AATF: variants seen among roughly 807,000 people sequenced by gnomAD.
The protein encoded by AATF is apoptosis antagonizing transcription factor.
Under a neutral mutation model 63.7 loss-of-function variants are expected in AATF, and 48 were observed. The observed-to-expected ratio is 0.75, with a 90% CI of 0.60 to 0.96. The LOEUF (loss-of-function observed/expected upper bound fraction) is 0.96. AATF is among the 40% of genes least tolerant of loss of function. AATF has a pLI of 0.00. For synonymous variants in AATF, 258 were observed against 247.7 expected (o/e 1.04, Z -0.39); for missense variants, 639 against 685.7 (o/e 0.93, Z 0.76).
intron 5 of AATF, among the ~76,000 whole-genome samples, chr17:36,988,061 C>T (rs2071182534): frequency 6.6e-6 from 1 of 152,132 alleles, no homozygotes; most frequent in Non-Finnish European, 1.5e-5. Context: ...GCCCTGTAAT[C>T]CCAGCACTTT....
At chr17:37,040,845 A>G (rs1050561469) in intron 11 of AATF, among the ~76,000 whole-genome samples, 15 of 152,266 alleles carry the variant, frequency 9.9e-5, no homozygotes, top group African/African-American at 3.6e-4. Flanking sequence ...TGGATTCCCA[A>G]ACCTGGTTTT....
At chr17:37,049,931 G>C (rs2071732778) in intron 11 of AATF, among the ~76,000 whole-genome samples, 1 of 152,154 alleles carries the variant, frequency 6.6e-6, no homozygotes, top group Non-Finnish European at 1.5e-5. Context: ...TGCTCCACCT[G>C]CTTTGGGCTC....
At chr17:36,964,349 T>A (rs1397583848) in intron 4 of AATF, among the ~76,000 whole-genome samples, 1 of 151,828 alleles carries the variant, frequency 6.6e-6, no homozygotes, top group South Asian at 2.1e-4. Flanking sequence ...GTGCCTTAGA[T>A]AGCAATGTGG....
At chr17:36,974,526 T>C (rs559219581) in intron 4 of AATF, among the ~76,000 whole-genome samples, 44 of 152,322 alleles carry the variant, frequency 2.9e-4, no homozygotes, top group African/African-American at 1.0e-3. Flanking sequence ...TTTCTAAGAA[T>C]ATGCAAAATT....
rs550318125 is a variant in AATF, at chr17:36,997,354, C to T, written c.1398+6497C>T. Among the ~76,000 whole-genome samples the T allele has an allele frequency of 2.0e-5, 3 of 152,188 alleles. No individual in the cohort carries two copies. The South Asian group carries it at 6.2e-4, about 32-fold the overall frequency. Reference sequence around the variant, plus strand: ...ATACATCTGACAAAGGACTGATATCCAGCATCTACTGCAAACTCAAATCAG... The same window carrying T: ...ATACATCTGACAAAGGACTGATATCTAGCATCTACTGCAAACTCAAATCAG... On this transcript the variant is annotated intron_variant, in intron 8 of 11. Coordinates refer to ENST00000619387, the MANE Select transcript of AATF (RefSeq NM_012138.4).
intron 8 of AATF, among the ~76,000 whole-genome samples, chr17:37,004,774 A>G (rs1460729739): frequency 6.6e-6 from 1 of 152,174 alleles, no homozygotes; most frequent in Non-Finnish European, 1.5e-5. Flanking sequence ...GAGTGAATGG[A>G]CTAGGAAAGC....
intron 8 of AATF, among the ~76,000 whole-genome samples, chr17:37,003,903 G>GAAC (rs1472178712): frequency 1.4e-5 from 2 of 147,922 alleles, no homozygotes; most frequent in African/African-American, 4.9e-5. Flanking sequence ...AGGAGCTTGA[G>GAAC]AACAGCCTTG....
In AATF at chr17:36,986,597, CT is replaced by C. The variant is rs2071170351; in HGVS notation, c.833-19del. 3.1e-6 allele frequency: 5 copies of C among 1,589,486 alleles called. No homozygotes were observed. The highest frequency in any genetic ancestry group is 4.3e-6 in the Non-Finnish European group (5 of 1,157,572). ...AATTGTAGATAATTAATTGTCCTTT[CT>C]CTGTCCTTTATTTCCCAGGTCACAA... On this transcript the variant is annotated intron_variant, in intron 4 of 11. Transcript: ENST00000619387.
chr17:36,969,342 ATAT>A (rs1232626632), intron 4 of AATF, among the ~76,000 whole-genome samples: 1 of 152,156 alleles, frequency 6.6e-6, no homozygotes, highest in Non-Finnish European at 1.5e-5. Context: ...CCTGTTTTCA[ATAT>A]TATGCCTTTG....
intron 10 of AATF, chr17:37,031,261 G>T: frequency 4.1e-6 from 1 of 245,058 alleles, no homozygotes; most frequent in Non-Finnish European, 8.1e-6. Flanking sequence ...AACTATTTAC[G>T]TAGCATTTAC....
At chr17:37,050,240 C>A (rs544523938) in intron 11 of AATF, among the ~76,000 whole-genome samples, 48 of 152,216 alleles carry the variant, frequency 3.2e-4, no homozygotes, top group African/African-American at 1.1e-3. Context: ...TGTGTGTCTC[C>A]CCAAATGGAG....
At chr17:36,993,309 C>G (rs1670666840) in intron 8 of AATF, among the ~76,000 whole-genome samples, 1 of 152,122 alleles carries the variant, frequency 6.6e-6, no homozygotes, top group East Asian at 1.9e-4. Context: ...AGTTTTCCTC[C>G]CCCTCCCAAA....
At chr17:36,959,851 A>G (rs9972935) in intron 4 of AATF, among the ~76,000 whole-genome samples, 23,528 of 152,112 alleles carry the variant, frequency 0.15, 5,794 homozygotes, top group African/African-American at 0.52. Flanking sequence ...AAATACAGAG[A>G]AAGTATTAAG....
At chr17:37,003,359 A>G (rs2071316315) in intron 8 of AATF, among the ~76,000 whole-genome samples, 1 of 151,788 alleles carries the variant, frequency 6.6e-6, no homozygotes, top group Non-Finnish European at 1.5e-5. Context: ...AAACTTTTAG[A>G]AAAAAAACAG....
At chr17:37,034,196 G>A (rs960748002) in intron 11 of AATF, among the ~76,000 whole-genome samples, 2 of 152,188 alleles carry the variant, frequency 1.3e-5, no homozygotes, top group Non-Finnish European at 2.9e-5. Context: ...AGGATAGGGA[G>A]ACGTGTCCAT....
Position 36,953,800 on chromosome 17 carries a change from T to A in AATF, c.725T>A (p.Ile242Asn). 2 of 1,614,094 alleles carry A rather than the reference T, an allele frequency of 1.2e-6. No homozygotes were observed. Among genetic ancestry groups the A allele is most frequent in the Non-Finnish European group, 1.7e-6 (2 of 1,180,010 alleles). ...TGGGACCAGCTCTTGGAAGGAAGGA[T>A]CAAACTACAAAAAGCTCTGTTGACC... is the stretch of plus-strand genomic sequence containing the variant. ...ALWDQLLEGRIKLQKALLTTN... is the reference protein window; with the variant it reads ...ALWDQLLEGRNKLQKALLTTN... The change falls in exon 4 of 12, where the codon ATC becomes AAC. Residue 242 changes from isoleucine (I) to asparagine (N), a missense_variant. Transcript: ENST00000619387.
chr17:36,959,464 A>G (rs149963076), intron 4 of AATF, among the ~76,000 whole-genome samples: 26 of 152,284 alleles, frequency 1.7e-4, no homozygotes, highest in African/African-American at 6.3e-4. Flanking sequence ...CAAACCAACA[A>G]ACAAAAAACA....
chr17:36,999,478 ATG>A (rs1485853618), intron 8 of AATF, among the ~76,000 whole-genome samples: 2 of 152,220 alleles, frequency 1.3e-5, no homozygotes, highest in African/African-American at 4.8e-5. Flanking sequence ...AAGTAACCAC[ATG>A]TGCTAGTTGC....
chr17:37,030,245 G>A (rs958972278), intron 10 of AATF, among the ~76,000 whole-genome samples: 2 of 152,062 alleles, frequency 1.3e-5, no homozygotes, highest in East Asian at 1.9e-4. Flanking sequence ...ATCTTAACCA[G>A]TATTATTCTT....
Sources: gnomAD v4.1 joint callset for allele counts (sites outside exome capture counted in the v4.1 genomes callset) on GRCh38, gnomAD v4.1.1 for gene constraint, MANE v1.5 for transcripts, NCBI Gene and HGNC (gene_info 2026-07-23, HGNC 2026-07-21) for gene names.